Variants in PHF19 observed in about 807,000 individuals in gnomAD.
The protein encoded by PHF19 is PHD finger protein 19.
PHF19 carries 21 observed loss-of-function variants against 79.8 expected under a neutral mutation model. That is an observed-to-expected ratio of 0.26 (90% confidence interval 0.19 to 0.38). The LOEUF is 0.38. Among genes scored for constraint, PHF19 ranks in the 10% least tolerant of loss-of-function variants. The pLI, the probability that PHF19 is intolerant of heterozygous loss-of-function variation, is 1.00. For missense variants in PHF19, 445 were observed against 744.2 expected (o/e 0.60, Z 4.68); for synonymous variants, 273 against 296.3 (o/e 0.92, Z 0.81).
intron 3 of PHF19, among the ~76,000 whole-genome samples, chr9:120,871,585 C>T (rs2131546284): frequency 6.6e-6 from 1 of 152,296 alleles, no homozygotes; most frequent in South Asian, 2.1e-4. Flanking sequence ...TGCTTTTAGT[C>T]TACAGGTCCC....
At chr9:120,887,093 G>T (rs2131592130) in intron 1 of PHF19, among the ~76,000 whole-genome samples, 1 of 149,362 alleles carries the variant, frequency 6.7e-6, no homozygotes, top group African/African-American at 2.5e-5. Flanking sequence ...GAAAAGAAAA[G>T]AAAAAAGAAA....
At position 120,855,819 on chromosome 9, in the gene PHF19, G is replaced by C. The variant is rs2045350684; in HGVS notation, c.*2125C>G. On this transcript the variant is annotated 3_prime_UTR_variant, in exon 15 of 15. Transcript: ENST00000373896. ...ATTATCTGGTATGAATGAAATGCTGGGGTGGGGAGTCAGGGTGACCTCATT... is the reference window on the plus strand; with the variant it reads ...ATTATCTGGTATGAATGAAATGCTGCGGTGGGGAGTCAGGGTGACCTCATT... The C allele has an allele frequency of 1.3e-5, 2 of 152,704 alleles. No individual in the cohort carries two copies. The highest frequency in any genetic ancestry group is 4.1e-4 in the South Asian group (2 of 4,830). 9.5% of individuals were successfully genotyped at this position (152,704 alleles called of 1,614,324 possible).
chr9:120,865,204 A>G (rs1449896263), intron 9 of PHF19, among the ~76,000 whole-genome samples: 1 of 152,222 alleles, frequency 6.6e-6, no homozygotes, highest in African/African-American at 2.4e-5. Flanking sequence ...AGGGAAAAGA[A>G]GACACAGCAC....
chr9:120,895,599 G>A (rs553494535), upstream of PHF19, among the ~76,000 whole-genome samples: 145 of 152,060 alleles, frequency 9.5e-4, no homozygotes, highest in African/African-American at 3.4e-3. Context: ...TAAATTTAAG[G>A]ACAAGTGATT....
intron 14 of PHF19, among the ~76,000 whole-genome samples, chr9:120,859,231 C>CTTTTTTT (rs59695692): frequency 3.8e-5 from 4 of 104,996 alleles, no homozygotes; most frequent in African/African-American, 6.7e-5. Context: ...TACCATTGTC[C>CTTTTTTT]TTTTTTTTTT....
At chr9:120,892,461 ACT>A (rs1466436636) in intron 1 of PHF19, among the ~76,000 whole-genome samples, 3 of 152,006 alleles carry the variant, frequency 2.0e-5, no homozygotes, top group East Asian at 3.8e-4. Flanking sequence ...CTTCATGCCA[ACT>A]CTCTAAAAAA....
chr9:120,876,921 C>T, intron 1 of PHF19, 170 bp downstream of exon 1: 1 of 964,724 alleles, frequency 1.0e-6, no homozygotes, highest in South Asian at 4.8e-5. Context: ...CCCTCTGCCC[C>T]GCAGGTAACC....
At chr9:120,902,526 T>C in the PHF19 span, 1 of 31,348 alleles carries the variant, frequency 3.2e-5, no homozygotes, top group Non-Finnish European at 7.1e-5. Context: ...GGGGGGGCGG[T>C]GGGCACTGCT....
chr9:120,861,982 T>C lies in PHF19; in HGVS notation c.1154A>G (p.Gln385Arg). 6.2e-7 allele frequency: 1 copy of C among 1,613,894 alleles called. No homozygotes were observed. Among genetic ancestry groups the C allele is most frequent in the Non-Finnish European group, 8.5e-7 (1 of 1,179,716 alleles). Residue 385 changes from glutamine to arginine, a missense_variant, in exon 12 of 15, where the codon CAG (glutamine) becomes CGG (arginine). Gln to Arg is a conservative substitution (Grantham distance 43). Transcript: ENST00000373896. ...TCTTCTATAAACTCGCCTTTTCTGCTGCTGGAATTCGTGAGGCAACAAACT... is the reference window on the plus strand; with the variant it reads ...TCTTCTATAAACTCGCCTTTTCTGCCGCTGGAATTCGTGAGGCAACAAACT... ...KPGLLPHEFQ[Q>R]QKRRVYRRKR...
At chr9:120,897,655 C>T (rs150291384), upstream of PHF19, among the ~76,000 whole-genome samples, 5 of 152,176 alleles carry the variant, frequency 3.3e-5, no homozygotes, top group East Asian at 9.7e-4. Flanking sequence ...ATCATTTCAA[C>T]ATGTCATCAA....
chr9:120,894,398 G>A (rs1024556240), intron 1 of PHF19, among the ~76,000 whole-genome samples: 2 of 152,222 alleles, frequency 1.3e-5, no homozygotes, highest in African/African-American at 2.4e-5. Context: ...CTCTGTCTGC[G>A]GCGGAGACTC....
chr9:120,866,266 C>A lies in PHF19; in HGVS notation c.711-170G>T, dbSNP rs1479748636. 1.3e-5 allele frequency among the ~76,000 whole-genome samples: 2 copies of A among 152,126 alleles called. No individual in the cohort carries two copies. Among genetic ancestry groups the A allele is most frequent in the Non-Finnish European group, 2.9e-5 (2 of 68,008 alleles). On this transcript the variant is annotated intron_variant, in intron 7 of 14. Coordinates refer to ENST00000373896, the MANE Select transcript of PHF19 (RefSeq NM_015651.3). This position sits in a 1 kb window ranked among gnomAD's most constrained non-coding sequence, Gnocchi z 5.2. ...AGGGCAGGACAGGGACTAAGAGATA[C>A]CCCATATTCCTTCTAACCCATGCCC...
In PHF19 at chr9:120,870,303, T is replaced by C; in HGVS notation, c.364+140A>G. 1.5e-6 allele frequency: 1 copy of C among 677,690 alleles called. No individual in the cohort carries two copies. The allele number at this position is 677,690 out of a possible 1,614,324, so 42.0% of individuals were successfully genotyped here. A position where few individuals can be genotyped will look rare whatever the true frequency, so the allele number is the denominator to read the frequency against. ...TTCCCAAGCCCTCACTTACAGCAAC[T>C]GGCCCCCTTTCACCCTGCAGTGCCA... is the stretch of plus-strand genomic sequence containing the variant. On this transcript the variant is annotated intron_variant, in intron 4 of 14. Coordinates refer to ENST00000373896, the MANE Select transcript of PHF19 (RefSeq NM_015651.3). This position sits in a 1 kb window ranked among gnomAD's most constrained non-coding sequence, Gnocchi z 4.4.
chr9:120,873,763 G>T (rs2045970486), intron 3 of PHF19, among the ~76,000 whole-genome samples: 1 of 152,176 alleles, frequency 6.6e-6, no homozygotes, highest in Non-Finnish European at 1.5e-5. Context: ...CCTCCCTCCT[G>T]GGGTATGAAT....
intron 14 of PHF19, among the ~76,000 whole-genome samples, 155 bp downstream of exon 14, chr9:120,859,935 C>T (rs375688841): frequency 2.0e-5 from 3 of 152,126 alleles, no homozygotes; most frequent in Non-Finnish European, 2.9e-5. Flanking sequence ...CCAGAGGGTC[C>T]GAGAGCCAGA....
At chr9:120,896,138 GGTT>G (rs1459999828), upstream of PHF19, among the ~76,000 whole-genome samples, 1 of 152,174 alleles carries the variant, frequency 6.6e-6, no homozygotes, top group African/African-American at 2.4e-5. Flanking sequence ...TGCCTCAGGA[GGTT>G]GTTGTGAGGT....
intron 12 of PHF19, 104 bp from the exon 13 acceptor site, chr9:120,861,278 C>G: frequency 1.3e-6 from 1 of 773,976 alleles, no homozygotes; most frequent in Admixed American, 1.7e-5. Flanking sequence ...GGGCTGGGCC[C>G]TCCCTAGGGT....
At chr9:120,897,206 GATGGCAGTC>G, upstream of PHF19, among the ~76,000 whole-genome samples, 1 of 152,268 alleles carries the variant, frequency 6.6e-6, no homozygotes, top group South Asian at 2.1e-4. Flanking sequence ...TTGGCAGGGA[GATGGCAGTC>G]CTGGGGCTGG....
At chr9:120,872,037 CAAAAAAAAAAAAAAA>C (rs1170243737) in intron 3 of PHF19, among the ~76,000 whole-genome samples, 7 of 30,322 alleles carry the variant, frequency 2.3e-4, no homozygotes, top group East Asian at 1.7e-3. Flanking sequence ...GACTCTGTCT[CAAAAAAAAAAAAAAA>C]AAAAAAAAAA....
Sources: gnomAD v4.1 joint callset for allele counts (sites outside exome capture counted in the v4.1 genomes callset) on GRCh38, gnomAD v4.1.1 for gene constraint, Gnocchi (gnomAD v3.1) non-coding constraint, MANE v1.5 for transcripts, NCBI Gene and HGNC (gene_info 2026-07-23, HGNC 2026-07-21) for gene names.